Variants in SETDB2 observed in about 807,000 individuals in gnomAD.
SETDB2 encodes the protein SET domain bifurcated histone lysine methyltransferase 2.
Under a neutral mutation model 82.5 loss-of-function variants are expected in SETDB2, and 56 were observed. The observed-to-expected ratio is 0.68, with a 90% CI of 0.55 to 0.85. The LOEUF (loss-of-function observed/expected upper bound fraction) is 0.85, where lower values mean the gene tolerates loss of function less well. Ranked by LOEUF, SETDB2 falls within the 40% of genes least tolerant of loss-of-function variation. The probability of loss-of-function intolerance (pLI) is 0.00; values close to 1 mark genes in which losing one functional copy is unlikely to be tolerated. For missense variants in SETDB2, 677 were observed against 816.4 expected (o/e 0.83, Z 2.08); for synonymous variants, 272 against 284.9 (o/e 0.95, Z 0.46).
chr13:49,482,698 C>A (rs990403992), intron 8 of SETDB2, 39 bp from the exon 9 acceptor site: 1 of 1,317,064 alleles, frequency 7.6e-7, no homozygotes. Flanking sequence ...TAGCAATTAT[C>A]TTCTGTGTTG....
At chr13:49,465,153 A>C (rs1226939956) in intron 4 of SETDB2, among the ~76,000 whole-genome samples, 2 of 151,992 alleles carry the variant, frequency 1.3e-5, no homozygotes, top group African/African-American at 4.8e-5. Flanking sequence ...CTTTGTGTTG[A>C]GGTCAAAACA....
chr13:49,473,551 C>CAA (rs769808278), intron 5 of SETDB2, among the ~76,000 whole-genome samples: 4,014 of 61,336 alleles, frequency 0.065, 165 homozygotes, highest in East Asian at 0.32. Context: ...ACCCTGTCTC[C>CAA]AAAAAAAAAA....
chr13:49,463,728 CACT>C (rs112688263), intron 4 of SETDB2, among the ~76,000 whole-genome samples: 3,696 of 152,250 alleles, frequency 0.024, 129 homozygotes, highest in African/African-American at 0.082. Flanking sequence ...TTCACTCCAC[CACT>C]GCTTAGATAA....
At chr13:49,455,529 G>C (rs1957866750) in intron 2 of SETDB2, among the ~76,000 whole-genome samples, 1 of 152,078 alleles carries the variant, frequency 6.6e-6, no homozygotes, top group African/African-American at 2.4e-5. Context: ...AATCACATTT[G>C]TTAATATAGC....
In SETDB2 at chr13:49,483,574, C is replaced by T; in HGVS notation, c.1482+11C>T. 1 of 1,107,316 alleles carries T rather than the reference C, an allele frequency of 9.0e-7. No homozygotes were observed. The highest frequency in any genetic ancestry group is 1.3e-6 in the Non-Finnish European group (1 of 781,458). 68.6% of individuals were successfully genotyped at this position (1,107,316 alleles called of 1,614,324 possible). On this transcript the variant is annotated intron_variant, in intron 10 of 13. Transcript: ENST00000611815. ...AATGGGAAAAAAATGGTAAAAAATGCAAAATGTAGTTGGGACCCTTCTTTT... is the reference window on the plus strand; with the variant it reads ...AATGGGAAAAAAATGGTAAAAAATGTAAAATGTAGTTGGGACCCTTCTTTT...
At chr13:49,485,869 G>T in intron 11 of SETDB2, 146 bp downstream of exon 11, 1 of 821,908 alleles carries the variant, frequency 1.2e-6, no homozygotes, top group Non-Finnish European at 2.2e-6. Context: ...TAAGAGATCA[G>T]CAAAATATCG....
At chr13:49,481,808 A>G (rs1464810217) in intron 8 of SETDB2, among the ~76,000 whole-genome samples, 1 of 144,520 alleles carries the variant, frequency 6.9e-6, no homozygotes, top group African/African-American at 2.6e-5. Context: ...ACGGCTTTAG[A>G]GCCAGTCTAA....
chr13:49,493,124 A>G lies in SETDB2; in HGVS notation c.*1275A>G, dbSNP rs1309845891. 6.6e-6 allele frequency: 1 copy of G among 152,028 alleles called. No individual in the cohort carries two copies. The highest frequency in any genetic ancestry group is 1.5e-5 in the Non-Finnish European group (1 of 68,016). 9.4% of individuals were successfully genotyped at this position (152,028 alleles called of 1,614,324 possible). A position where few individuals can be genotyped will look rare whatever the true frequency, so the allele number is the denominator to read the frequency against. On this transcript the variant is annotated 3_prime_UTR_variant, in exon 14 of 14. Transcript: ENST00000611815. The stretch of plus-strand genomic sequence containing the variant: ...GTTACTTGGCCGTGATCATCTATCT[A>G]GTGGAAAAGGGGACTGGGAAGCCCA...
chr13:49,466,438 T>TA (rs35416562), intron 4 of SETDB2, among the ~76,000 whole-genome samples: 10,116 of 138,492 alleles, frequency 0.073, 618 homozygotes, highest in African/African-American at 0.17. Context: ...CTTGTGTCTT[T>TA]AAAAAAAAAA....
chr13:49,454,197 G>C (rs772145787), intron 2 of SETDB2, among the ~76,000 whole-genome samples: 9 of 151,986 alleles, frequency 5.9e-5, no homozygotes, highest in Non-Finnish European at 1.2e-4. Flanking sequence ...CCGAGGCCAG[G>C]AGTTAGACCA....
At chr13:49,448,096 C>A (rs1957726319) in intron 1 of SETDB2, among the ~76,000 whole-genome samples, 1 of 152,060 alleles carries the variant, frequency 6.6e-6, no homozygotes, top group Non-Finnish European at 1.5e-5. Context: ...ATTATCTATT[C>A]TTTGAAAGTT....
intron 12 of SETDB2, among the ~76,000 whole-genome samples, chr13:49,490,096 G>T (rs1310526711): frequency 6.7e-6 from 1 of 150,262 alleles, no homozygotes; most frequent in Admixed American, 6.6e-5. Context: ...GGCCAACACG[G>T]CAAAACCCCG....
chr13:49,474,064 C>G (rs1376062618), intron 5 of SETDB2, among the ~76,000 whole-genome samples: 1 of 152,190 alleles, frequency 6.6e-6, no homozygotes, highest in African/African-American at 2.4e-5. Context: ...GAGTTTGAGA[C>G]CAGCCTGGCC....
chr13:49,471,421 T>C (rs1217854492), intron 5 of SETDB2, among the ~76,000 whole-genome samples: 2 of 88,818 alleles, frequency 2.3e-5, no homozygotes, highest in Non-Finnish European at 4.1e-5. Context: ...CTGAATTCCC[T>C]TTTTTTTTTT....
intron 11 of SETDB2, chr13:49,485,976 A>C (rs1167267272): frequency 1.6e-6 from 1 of 616,178 alleles, no homozygotes; most frequent in Non-Finnish European, 2.9e-6. Context: ...TCAGAAGGTG[A>C]TAATATTTTG....
At chr13:49,471,930 ATATATTT>A (rs1270367888) in intron 5 of SETDB2, among the ~76,000 whole-genome samples, 9 of 73,114 alleles carry the variant, frequency 1.2e-4, no homozygotes, top group African/African-American at 4.7e-4. Context: ...ATATATATAT[ATATATTT>A]TTTTTTTTTT....
intron 4 of SETDB2, among the ~76,000 whole-genome samples, chr13:49,463,694 G>A (rs1958043960): frequency 6.6e-6 from 1 of 152,160 alleles, no homozygotes; most frequent in Non-Finnish European, 1.5e-5. Context: ...CCATAATTCA[G>A]GCCTGCTCAG....
chr13:49,462,500 G>T (rs1482806010), intron 4 of SETDB2, among the ~76,000 whole-genome samples: 2 of 152,150 alleles, frequency 1.3e-5, no homozygotes, highest in Non-Finnish European at 2.9e-5. Flanking sequence ...TAGGAATTAG[G>T]TCAGGAGCCA....
In SETDB2 at chr13:49,463,999, T is replaced by C. The variant is rs756492212; in HGVS notation, c.208+2837T>C. The C allele has an allele frequency of 9.5e-6, 7 of 739,886 alleles. No homozygotes were observed. In the Admixed American group the frequency reaches 1.1e-4, roughly 12 times the overall value. 45.8% of individuals were successfully genotyped at this position (739,886 alleles called of 1,614,324 possible). Reference sequence around the variant, plus strand: ...TTCTCTTTTTAATTTTATTTTTCTTTCTTTAATTCCCTGCCTCACAGGAGC... The same window carrying C: ...TTCTCTTTTTAATTTTATTTTTCTTCCTTTAATTCCCTGCCTCACAGGAGC... On this transcript the variant is annotated intron_variant, in intron 4 of 13. Transcript: ENST00000611815.
Sources: gnomAD v4.1 joint callset for allele counts (sites outside exome capture counted in the v4.1 genomes callset) on GRCh38, gnomAD v4.1.1 for gene constraint, MANE v1.5 for transcripts, NCBI Gene and HGNC (gene_info 2026-07-23, HGNC 2026-07-21) for gene names.